ANO2: variants seen among roughly 807,000 people sequenced by gnomAD.
ANO2 encodes anoctamin-2.
A neutral mutation model predicts 124.2 loss-of-function variants in ANO2; 101 were observed. The observed-to-expected ratio is 0.81, with a 90% CI of 0.69 to 0.96. The LOEUF is 0.96. Ranked by LOEUF, ANO2 falls within the 40% of genes least tolerant of loss-of-function variation. The pLI, the probability that ANO2 is intolerant of heterozygous loss-of-function variation, is 0.00. For synonymous variants in ANO2, 486 were observed against 482.5 expected (o/e 1.01, Z -0.09); for missense variants, 1,293 against 1,274.5 (o/e 1.01, Z -0.22).
chr12:5,604,230 G>A (rs1336053302), intron 19 of ANO2, among the ~76,000 whole-genome samples: 1 of 152,172 alleles, frequency 6.6e-6, no homozygotes, highest in African/African-American at 2.4e-5. Flanking sequence ...GTGGTTGGTG[G>A]TGCCGATGGC....
intron 3 of ANO2, among the ~76,000 whole-genome samples, chr12:5,898,196 A>G (rs1242158216): frequency 6.6e-6 from 1 of 152,240 alleles, no homozygotes; most frequent in Non-Finnish European, 1.5e-5. Flanking sequence ...ACCCTGACAT[A>G]CCACTACACA....
At chr12:5,569,011 G>A (rs1012346730) in intron 23 of ANO2, among the ~76,000 whole-genome samples, 1 of 152,250 alleles carries the variant, frequency 6.6e-6, no homozygotes, top group Non-Finnish European at 1.5e-5. Flanking sequence ...GGTTACTTAT[G>A]GAATACACCT....
At chr12:5,757,617 T>A (rs1341930911) in intron 10 of ANO2, among the ~76,000 whole-genome samples, 1 of 152,208 alleles carries the variant, frequency 6.6e-6, no homozygotes, top group African/African-American at 2.4e-5. Flanking sequence ...CCACTTATGA[T>A]GCAGACAATT....
chr12:5,920,056 GATGGATGGATGGATGGATGGATGGATGC>G (rs1941608851), intron 3 of ANO2, among the ~76,000 whole-genome samples: 2 of 130,582 alleles, frequency 1.5e-5, no homozygotes, highest in East Asian at 4.7e-4. Context: ...TGGATGGATG[GATGGATGGATGGATGGATGGATGGATGC>G]ATGCATGCAT....
chr12:5,633,351 C>G (rs1945830159), intron 16 of ANO2, among the ~76,000 whole-genome samples: 1 of 152,162 alleles, frequency 6.6e-6, no homozygotes, highest in South Asian at 2.1e-4. Context: ...GTTTGGCTCT[C>G]TTCCTAAGCT....
At chr12:5,814,256 C>T (rs1953530187) in intron 7 of ANO2, among the ~76,000 whole-genome samples, 1 of 152,240 alleles carries the variant, frequency 6.6e-6, no homozygotes, top group African/African-American at 2.4e-5. Context: ...CCCCAACTCC[C>T]TGCCAATCCC....
chr12:5,863,618 T>A (rs73257214), intron 3 of ANO2, among the ~76,000 whole-genome samples: 2,636 of 152,328 alleles, frequency 0.017, 69 homozygotes, highest in African/African-American at 0.056. Flanking sequence ...TATGTTCATT[T>A]TCTTGATTAC....
At chr12:5,749,669 G>A (rs1192051760) in intron 11 of ANO2, among the ~76,000 whole-genome samples, 1 of 152,210 alleles carries the variant, frequency 6.6e-6, no homozygotes, top group Admixed American at 6.5e-5. Context: ...TTCTGAAGAT[G>A]GCAAGAGTGT....
At chr12:5,690,736 G>A (rs371342438) in intron 14 of ANO2, among the ~76,000 whole-genome samples, 13 of 152,102 alleles carry the variant, frequency 8.5e-5, no homozygotes, top group Admixed American at 2.6e-4. Flanking sequence ...ACAGTCTCAC[G>A]ATCTAGGTCT....
At chr12:5,624,938 A>AG (rs1477859225) in intron 16 of ANO2, among the ~76,000 whole-genome samples, 1 of 152,086 alleles carries the variant, frequency 6.6e-6, no homozygotes, top group African/African-American at 2.4e-5. Flanking sequence ...GGAGAGCTCT[A>AG]GGGGGACGCA....
chr12:5,661,272 C>A (rs1416837633), intron 14 of ANO2, among the ~76,000 whole-genome samples: 1 of 152,116 alleles, frequency 6.6e-6, no homozygotes, highest in Non-Finnish European at 1.5e-5. Context: ...AATTTGGGTC[C>A]TTTTCTTTAT....
chr12:5,621,785 C>A (rs1390898961), intron 16 of ANO2, among the ~76,000 whole-genome samples: 1 of 149,552 alleles, frequency 6.7e-6, no homozygotes, highest in African/African-American at 2.5e-5. Context: ...ATTAGGGAAA[C>A]AGGCAGACAC....
chr12:5,942,885 A>G (rs548240670), intron 1 of ANO2, among the ~76,000 whole-genome samples: 1 of 152,368 alleles, frequency 6.6e-6, no homozygotes, highest in South Asian at 2.1e-4. Context: ...ATCATCAGGG[A>G]AATGCAAATT....
chr12:5,718,234 G>A (rs1309065062), intron 14 of ANO2, among the ~76,000 whole-genome samples: 4 of 152,332 alleles, frequency 2.6e-5, no homozygotes, highest in South Asian at 2.1e-4. Flanking sequence ...AACATCAAAC[G>A]TTAGCAAGCC....
At chr12:5,760,368 A>AATG (rs1951702107) in intron 10 of ANO2, among the ~76,000 whole-genome samples, 4 of 152,236 alleles carry the variant, frequency 2.6e-5, no homozygotes, top group African/African-American at 7.2e-5. Flanking sequence ...GATAAAACAC[A>AATG]AGAGGGAAAT....
intron 19 of ANO2, among the ~76,000 whole-genome samples, chr12:5,600,376 T>C (rs1325211762): frequency 6.6e-6 from 1 of 152,178 alleles, no homozygotes; most frequent in East Asian, 1.9e-4. Context: ...CCTCTAGAAC[T>C]ATGAGAAAAT....
chr12:5,771,880 T>C (rs1952093315), intron 10 of ANO2, among the ~76,000 whole-genome samples: 1 of 152,254 alleles, frequency 6.6e-6, no homozygotes, highest in South Asian at 2.1e-4. Context: ...TGTTCCAGTT[T>C]TTATTTGTTA....
chr12:5,722,897 C>T (rs560822839), intron 14 of ANO2, among the ~76,000 whole-genome samples: 39 of 152,244 alleles, frequency 2.6e-4, no homozygotes, highest in Admixed American at 5.9e-4. Flanking sequence ...TCCAGGGAGG[C>T]GTTTGTCAGA....
At chr12:5,711,786 C>T (rs891976896) in intron 14 of ANO2, among the ~76,000 whole-genome samples, 2 of 152,174 alleles carry the variant, frequency 1.3e-5, no homozygotes, top group African/African-American at 2.4e-5. Flanking sequence ...TGTAGATTAA[C>T]GAGTTTGGGT....
Sources: gnomAD v4.1 joint callset for allele counts (sites outside exome capture counted in the v4.1 genomes callset) on GRCh38, gnomAD v4.1.1 for gene constraint, MANE v1.5 for transcripts, NCBI Gene and HGNC (gene_info 2026-07-23, HGNC 2026-07-21) for gene names.